MKI67: variants seen among roughly 807,000 people sequenced by gnomAD.
The protein encoded by MKI67 is marker of proliferation Ki-67.
MKI67 carries 152 observed loss-of-function variants against 233.5 expected under a neutral mutation model. That is an observed-to-expected ratio of 0.65 (90% confidence interval 0.57 to 0.74). MKI67 has a LOEUF of 0.74. MKI67 is among the 30% of genes least tolerant of loss of function. The pLI is 0.00. For synonymous variants in MKI67, 1,465 were observed against 1,418.5 expected (o/e 1.03, Z -0.74); for missense variants, 3,940 against 3,885.2 (o/e 1.01, Z -0.37).
chr10:128,107,912 T>C lies in MKI67; in HGVS notation c.3928A>G (p.Ile1310Val), dbSNP rs1489453465. 6.2e-7 allele frequency: 1 copy of C among 1,613,506 alleles called. No individual in the cohort carries two copies. Among genetic ancestry groups the C allele is most frequent in the Non-Finnish European group, 8.5e-7 (1 of 1,179,896 alleles). The change falls in exon 13 of 15, where the codon ATC becomes GTC. Residue 1310 changes from isoleucine to valine, a missense_variant. Transcript: ENST00000368654. ...TGCACTGGAGTTCCCACAAATATGATGATGTCTTTCTCTTCACCTACTGAT... is the reference window on the plus strand; with the variant it reads ...TGCACTGGAGTTCCCACAAATATGACGATGTCTTTCTCTTCACCTACTGAT... ...KPSVGEEKDI[I>V]IFVGTPVQKL...
chr10:128,099,165 T>C lies in MKI67; in HGVS notation c.*25A>G, dbSNP rs1236217308. The C allele has an allele frequency of 2.5e-6, 4 of 1,576,986 alleles. No individual in the cohort carries two copies. The highest frequency in any genetic ancestry group is 3.5e-6 in the Non-Finnish European group (4 of 1,154,176). ...ACTTATCACAAAACTAACTTTATTA[T>C]ATTTTTCCCAGTTCGATTTTTCTGT... On this transcript the variant is annotated 3_prime_UTR_variant, in exon 15 of 15. Coordinates refer to ENST00000368654, the MANE Select transcript of MKI67 (RefSeq NM_002417.5).
At chr10:128,118,548 T>C (rs1407604593) in intron 5 of MKI67, among the ~76,000 whole-genome samples, 2 of 151,802 alleles carry the variant, frequency 1.3e-5, no homozygotes, top group Non-Finnish European at 2.9e-5. Flanking sequence ...GTAGGAAAAA[T>C]ATGAATTCTC....
rs1444337646 is a variant in MKI67, at chr10:128,103,127, G to C, written c.8713C>G (p.Pro2905Ala). The C allele has an allele frequency of 6.2e-7, 1 of 1,614,186 alleles. No individual in the cohort carries two copies. Among genetic ancestry groups the C allele is most frequent in the South Asian group, 1.1e-5 (1 of 91,082 alleles). The change falls in exon 13 of 15, where the codon CCA becomes GCA. Residue 2905 changes from proline (P) to alanine (A), a missense_variant. Physicochemically the swap from Pro to Ala is conservative, Grantham distance 27 (BLOSUM62 -1). Transcript: ENST00000368654. ...TGGGCCTTTTCCTTAGGTGCTCTTGGCTGTCTCCTGCTGCCAATTACATCT... is the reference window on the plus strand; with the variant it reads ...TGGGCCTTTTCCTTAGGTGCTCTTGCCTGTCTCCTGCTGCCAATTACATCT... ...AEDVIGSRRQ[P>A]RAPKEKAQPL...
In MKI67 at chr10:128,115,428, T is replaced by C; in HGVS notation, c.980A>G (p.Gln327Arg). Residue 327 changes from glutamine to arginine, a missense_variant, in exon 7 of 15, where the codon CAG becomes CGG. Transcript: ENST00000368654. ...KGKGRDVESV[Q>R]TPSKAVGASF... ...GGCGCCCACAGCCTTGCTGGGAGTC[T>C]GAACAGACTCCACGTCTCTTCCCTT... The C allele has an allele frequency of 6.2e-7, 1 of 1,613,938 alleles. No individual in the cohort carries two copies. Among genetic ancestry groups the C allele is most frequent in the Non-Finnish European group, 8.5e-7 (1 of 1,179,962 alleles).
rs760186726 is a variant in MKI67, at chr10:128,108,469, G to C, written c.3371C>G (p.Thr1124Ser). ...PSEESMTDEKTTKIACKSPPP... is the reference protein window; with the variant it reads ...PSEESMTDEKSTKIACKSPPP... Reference sequence around the variant, plus strand: ...TGGAGATTTGCAGGCTATTTTGGTAGTTTTCTCATCAGTCATTGATTCCTC... The same window carrying C: ...TGGAGATTTGCAGGCTATTTTGGTACTTTTCTCATCAGTCATTGATTCCTC... The change falls in exon 13 of 15, where the codon ACT becomes AGT. Residue 1124 changes from threonine to serine, a missense_variant. By Grantham distance (58) the Thr-to-Ser change is moderately conservative (BLOSUM62 1). Transcript: ENST00000368654. 6.2e-7 allele frequency: 1 copy of C among 1,613,766 alleles called. No individual in the cohort carries two copies. The highest frequency in any genetic ancestry group is 1.7e-5 in the Admixed American group (1 of 59,968).
In MKI67 at chr10:128,107,441, G is replaced by C; in HGVS notation, c.4399C>G (p.Leu1467Val). 1 of 1,614,160 alleles carries C rather than the reference G, an allele frequency of 6.2e-7. No homozygotes were observed. The highest frequency in any genetic ancestry group is 8.5e-7 in the Non-Finnish European group (1 of 1,180,038). The change falls in exon 13 of 15, where the codon CTG (leucine) becomes GTG (valine). Residue 1467 changes from leucine (L) to valine (V), a missense_variant. By Grantham distance (32) the Leu-to-Val change is conservative. Coordinates refer to ENST00000368654, the MANE Select transcript of MKI67 (RefSeq NM_002417.5). ...TGGAAGAGCTCTTTCAAGCCAGCCA[G>C]GTCTTCTAGGGGTTGGGCCTTTTCC... ...TKEKAQPLED[L>V]AGLKELFQTP...
intron 9 of MKI67, 42 bp from the exon 10 acceptor site, chr10:128,112,087 C>T: frequency 1.9e-6 from 3 of 1,605,170 alleles, no homozygotes; most frequent in Non-Finnish European, 2.6e-6. Context: ...AATTAGCATT[C>T]ATGAAAAAAT....
rs1371690945 is a variant in MKI67 at position 128,105,405 on chromosome 10, G to A, written c.6435C>T (p.His2145=). The change falls in exon 13 of 15, where the codon CAC becomes CAT. Residue 2145 remains histidine, a synonymous_variant. Transcript: ENST00000368654. ...SALKQLTQTT[H]TDKVPGDEDK... is the part of the protein sequence containing the mutation. Reference sequence around the variant, plus strand: ...CCTCATCTCCTGGTACTTTGTCTGTGTGTGTGGTCTGTGTGAGCTGCTTCA... The same window carrying A: ...CCTCATCTCCTGGTACTTTGTCTGTATGTGTGGTCTGTGTGAGCTGCTTCA... The A allele has an allele frequency of 1.2e-6, 2 of 1,614,036 alleles. No homozygotes were observed. Among genetic ancestry groups the A allele is most frequent in the Non-Finnish European group, 1.7e-6 (2 of 1,180,032 alleles).
Position 128,107,563 on chromosome 10 carries a change from C to T in MKI67, c.4277G>A (p.Gly1426Asp), listed in dbSNP as rs1428194397. ...AAACGCGTTGATGCTTTTATCCTCA[C>T]CTCCTGGTACTTTATCTGTGTGTGT... Reference protein sequence around the residue: ...ETTHTDKVPGGEDKSINAFRE... With the variant: ...ETTHTDKVPGDEDKSINAFRE... The change falls in exon 13 of 15, where the codon GGT becomes GAT. Residue 1426 changes from glycine (G) to aspartate (D), a missense_variant. Gly to Asp is a moderately conservative substitution (Grantham distance 94). Transcript: ENST00000368654. 7 of 1,613,974 alleles carry T rather than the reference C, an allele frequency of 4.3e-6. No homozygotes were observed. Among genetic ancestry groups the T allele is most frequent in the Admixed American group, 3.3e-5 (2 of 59,996 alleles).
chr10:128,121,595 A>G (rs1284562069), intron 4 of MKI67, among the ~76,000 whole-genome samples: 1 of 46,706 alleles, frequency 2.1e-5, no homozygotes, highest in East Asian at 4.6e-4. Flanking sequence ...TATAAGTGAT[A>G]TATATAATAA....
chr10:128,111,805 G>A lies in MKI67; in HGVS notation c.2100C>T (p.Gly700=), dbSNP rs767681560. 8.7e-6 allele frequency: 14 copies of A among 1,612,304 alleles called. No homozygotes were observed. Among genetic ancestry groups the A allele is most frequent in the Non-Finnish European group, 8.5e-6 (10 of 1,179,572 alleles). The part of the protein sequence containing the change: ...RRPATPKKPV[G]EVHSQFSTGH... Reference sequence around the variant, plus strand: ...CTGTACTAAATTGACTGTGAACTTCGCCCACAGGCTTCTGTAGAAAACAGG... The same window carrying A: ...CTGTACTAAATTGACTGTGAACTTCACCCACAGGCTTCTGTAGAAAACAGG... The change falls in exon 11 of 15, where the codon GGC becomes GGT. Residue 700 remains glycine (G), a synonymous_variant. Transcript: ENST00000368654.
At chr10:128,122,625 C>G (rs564012618) in intron 4 of MKI67, among the ~76,000 whole-genome samples, 12 of 152,240 alleles carry the variant, frequency 7.9e-5, no homozygotes, top group Admixed American at 4.6e-4. Flanking sequence ...AAGAAAATAA[C>G]AAACTCCTTT....
In MKI67 at chr10:128,115,121, A is replaced by G; in HGVS notation, c.1287T>C (p.Asp429=). The G allele has an allele frequency of 6.2e-7, 1 of 1,614,214 alleles. No individual in the cohort carries two copies. Among genetic ancestry groups the G allele is most frequent in the Non-Finnish European group, 8.5e-7 (1 of 1,180,034 alleles). The change falls in exon 7 of 15, where the codon GAT becomes GAC. Residue 429 remains aspartate, a synonymous_variant. Transcript: ENST00000368654. The part of the protein sequence containing the change: ...SSKTRGSIPT[D]VEVLPTETEI... ...CAGTTTCCGTAGGCAGAACTTCCAC[A>G]TCTGTAGGAATACTTCCTCTGGTTT...
Position 128,108,994 on chromosome 10 carries a change from T to G in MKI67, c.2846A>C (p.Lys949Thr). 6.2e-7 allele frequency: 1 copy of G among 1,614,220 alleles called. No individual in the cohort carries two copies. Among genetic ancestry groups the G allele is most frequent in the Middle Eastern group, 1.6e-4 (1 of 6,062 alleles). ...TTTCTGCCCCCAAGTTCTTGATCTCTTCATTGCTTTCATCTTTTCATCGTT... is the reference window on the plus strand; with the variant it reads ...TTTCTGCCCCCAAGTTCTTGATCTCGTCATTGCTTTCATCTTTTCATCGTT... ...KENDEKMKAMKRSRTWGQKCA... is the reference protein window; with the variant it reads ...KENDEKMKAMTRSRTWGQKCA... Residue 949 changes from lysine to threonine, a missense_variant, in exon 13 of 15, where the codon AAG becomes ACG. Transcript: ENST00000368654.
intron 13 of MKI67, 33 bp downstream of exon 13, chr10:128,102,546 G>T (rs373560649): frequency 6.3e-7 from 1 of 1,599,262 alleles, no homozygotes; most frequent in East Asian, 2.2e-5. Flanking sequence ...TATCCAAGAC[G>T]ATATTGAGTG....
In MKI67 at chr10:128,098,351, TAG is replaced by T. The variant is rs1356087516; in HGVS notation, c.*837_*838del. On this transcript the variant is annotated 3_prime_UTR_variant, in exon 15 of 15. Coordinates refer to ENST00000368654, the MANE Select transcript of MKI67 (RefSeq NM_002417.5). ...TACTGGGTGGCATCGGGCTGCCAGATAGAGTCAGAAAGAAAACAGGCGGGAGC... is the reference window on the plus strand; with the variant it reads ...TACTGGGTGGCATCGGGCTGCCAGATAGTCAGAAAGAAAACAGGCGGGAGC... 1 of 152,078 alleles carries T rather than the reference TAG, an allele frequency of 6.6e-6. No homozygotes were observed. Among genetic ancestry groups the T allele is most frequent in the Non-Finnish European group, 1.5e-5 (1 of 68,074 alleles). 9.4% of individuals were successfully genotyped at this position (152,078 alleles called of 1,614,324 possible).
rs763883977 is a variant in MKI67 at position 128,104,751 on chromosome 10, G to C, written c.7089C>G (p.Asn2363Lys). ...CTTCCTCTACGTCTGCTTTCCTGAGGTTTCTCTTGGGCCGTTGCTTTGTGC... is the reference window on the plus strand; with the variant it reads ...CTTCCTCTACGTCTGCTTTCCTGAGCTTTCTCTTGGGCCGTTGCTTTGTGC... ...PASTKQRPKRNLRKADVEEEF... is the reference protein window; with the variant it reads ...PASTKQRPKRKLRKADVEEEF... Residue 2363 changes from asparagine (N) to lysine (K), a missense_variant, in exon 13 of 15, where the codon AAC becomes AAG. Transcript: ENST00000368654. 6.2e-7 allele frequency: 1 copy of C among 1,611,394 alleles called. No homozygotes were observed. The highest frequency in any genetic ancestry group is 8.5e-7 in the Non-Finnish European group (1 of 1,179,362).
chr10:128,110,478 T>A lies in MKI67; in HGVS notation c.2316A>T (p.Thr772=), dbSNP rs776927270. 1 of 1,581,792 alleles carries A rather than the reference T, an allele frequency of 6.3e-7. No individual in the cohort carries two copies. The highest frequency in any genetic ancestry group is 1.3e-5 in the African/African-American group (1 of 74,718). Residue 772 remains threonine (T), a synonymous_variant, in exon 12 of 15, where the codon ACA becomes ACT. Transcript: ENST00000368654. The stretch of plus-strand genomic sequence containing the variant: ...CTGAATTTGAAATAGCGATGTGACA[T>A]GTGCTTGTCAACTGCGGTTGCTCCT... The part of the protein sequence containing the change: ...PVKEQPQLTS[T]CHIAISNSEN...
At position 128,106,999 on chromosome 10, in the gene MKI67, G is replaced by A; in HGVS notation, c.4841C>T (p.Ala1614Val). ...TGGGTCTGGTTGTGAAGATTTGCAG[G>A]CTACTTTGGCAGTTTTATCGTTAGT... ...SMTNDKTAKV[A>V]CKSSQPDPDK... Residue 1614 changes from alanine to valine, a missense_variant, in exon 13 of 15, where the codon GCC becomes GTC. Transcript: ENST00000368654. 1.9e-6 allele frequency: 3 copies of A among 1,613,814 alleles called. No individual in the cohort carries two copies. The highest frequency in any genetic ancestry group is 2.2e-5 in the East Asian group (1 of 44,840).
Sources: allele counts gnomAD v4.1 joint callset (sites outside exome capture counted in the v4.1 genomes callset), GRCh38; gene constraint gnomAD v4.1.1; transcripts MANE v1.5; gene names NCBI Gene and HGNC (gene_info 2026-07-23, HGNC 2026-07-21).